CNBD1: variants seen among roughly 807,000 people sequenced by gnomAD.
The protein encoded by CNBD1 is cyclic nucleotide binding domain containing 1.
CNBD1 carries 71 observed loss-of-function variants against 54.4 expected under a neutral mutation model. That is an observed-to-expected ratio of 1.30 (90% confidence interval 1.08 to 1.59). The LOEUF is 1.59. Ranked by LOEUF, CNBD1 falls within the 40% of genes most tolerant of loss-of-function variation. CNBD1 has a pLI of 0.00. For missense variants in CNBD1, 659 were observed against 518.0 expected, an observed-to-expected ratio of 1.27 and a Z score of -2.64; for synonymous variants, 182 against 170.7, an observed-to-expected ratio of 1.07 and a Z score of -0.51.
intron 6 of CNBD1, among the ~76,000 whole-genome samples, chr8:87,254,737 C>A (rs1051609184): frequency 9.2e-5 from 14 of 152,162 alleles, no homozygotes; most frequent in Non-Finnish European, 4.4e-5. Flanking sequence ...CAATAGCACC[C>A]AGATCCCTCC....
At chr8:86,871,664 A>G (rs1187357940) in intron 1 of CNBD1, among the ~76,000 whole-genome samples, 1 of 152,218 alleles carries the variant, frequency 6.6e-6, no homozygotes, top group Non-Finnish European at 1.5e-5. Flanking sequence ...GATTAGAGGT[A>G]CAGGAAGATT....
At chr8:87,240,906 A>G (rs1334041787) in intron 6 of CNBD1, among the ~76,000 whole-genome samples, 7 of 151,970 alleles carry the variant, frequency 4.6e-5, no homozygotes, top group African/African-American at 1.7e-4. Context: ...GTCAAAATTC[A>G]TCTCTCCAGG....
rs397892505 is a variant in CNBD1, at chr8:87,094,444, CTT to C, written c.432-111538_432-111537del. On this transcript the variant is annotated intron_variant, in intron 4 of 10. Transcript: ENST00000518476. ...TTTCCTTGATTTTTTTTCTTTAATG[CTT>C]TTTTTTTTTTCCCTGTCCAGGTTCA... Among the ~76,000 whole-genome samples the C allele has an allele frequency of 1.0e-3, 145 of 139,454 alleles. 2 individuals carry two copies. The highest frequency in any genetic ancestry group is 3.7e-3 in the African/African-American group (142 of 38,474). 91.5% of individuals were successfully genotyped at this position (139,454 alleles called of 152,430 possible). A position where few individuals can be genotyped will look rare whatever the true frequency, so the allele number is the denominator to read the frequency against.
intron 5 of CNBD1, among the ~76,000 whole-genome samples, chr8:87,225,473 C>A (rs1814461102): frequency 1.3e-5 from 2 of 150,522 alleles, no homozygotes. Flanking sequence ...TTGTCAAAGG[C>A]CTTTTCTGCA....
intron 4 of CNBD1, among the ~76,000 whole-genome samples, chr8:87,106,308 G>T (rs1326882445): frequency 6.6e-6 from 1 of 151,842 alleles, no homozygotes; most frequent in Non-Finnish European, 1.5e-5. Flanking sequence ...CTCCCTCCTG[G>T]GTTCAAGCAA....
intron 2 of CNBD1, among the ~76,000 whole-genome samples, chr8:86,900,539 A>G (rs1469851733): frequency 1.3e-5 from 2 of 152,204 alleles, no homozygotes; most frequent in South Asian, 2.1e-4. Context: ...TAAATGCTGT[A>G]CATTCTGTAC....
intron 3 of CNBD1, among the ~76,000 whole-genome samples, chr8:86,908,124 C>A (rs1809045599): frequency 6.6e-6 from 1 of 152,134 alleles, no homozygotes; most frequent in Non-Finnish European, 1.5e-5. Flanking sequence ...AGGAGAAATG[C>A]TACATAGAAA....
chr8:87,158,889 C>T (rs1321489491), intron 4 of CNBD1, among the ~76,000 whole-genome samples: 2 of 152,154 alleles, frequency 1.3e-5, no homozygotes, highest in African/African-American at 4.8e-5. Context: ...ATGCAAGCGA[C>T]ATCATGCAGA....
At chr8:87,229,129 A>C (rs553063382) in intron 5 of CNBD1, among the ~76,000 whole-genome samples, 6 of 152,206 alleles carry the variant, frequency 3.9e-5, no homozygotes, top group African/African-American at 1.4e-4. Context: ...GCGCGCACCC[A>C]CTGACCTGCG....
At chr8:87,214,432 A>G (rs1345940083) in intron 5 of CNBD1, among the ~76,000 whole-genome samples, 1 of 152,082 alleles carries the variant, frequency 6.6e-6, no homozygotes, top group Non-Finnish European at 1.5e-5. Flanking sequence ...TTTATTGTCC[A>G]TATCACTCTC....
At chr8:86,965,060 C>G (rs1023969328) in intron 4 of CNBD1, among the ~76,000 whole-genome samples, 2 of 152,164 alleles carry the variant, frequency 1.3e-5, no homozygotes, top group African/African-American at 2.4e-5. Flanking sequence ...AGTTTACATA[C>G]AGATACCAAG....
chr8:87,302,663 G>A (rs1288931284), intron 8 of CNBD1, among the ~76,000 whole-genome samples: 1 of 151,748 alleles, frequency 6.6e-6, no homozygotes, highest in African/African-American at 2.4e-5. Flanking sequence ...AGGAAATAAA[G>A]GGTATTCAAT....
At chr8:86,957,563 T>C (rs186998954) in intron 4 of CNBD1, among the ~76,000 whole-genome samples, 3,484 of 152,188 alleles carry the variant, frequency 0.023, 68 homozygotes, top group South Asian at 0.042. Flanking sequence ...CTTGGGAGGG[T>C]GTATGTGTCC....
chr8:87,231,685 G>T (rs1035491930), intron 5 of CNBD1, among the ~76,000 whole-genome samples: 3 of 151,922 alleles, frequency 2.0e-5, no homozygotes, highest in Non-Finnish European at 4.4e-5. Flanking sequence ...CCATTTAATT[G>T]ACATATCATA....
intron 2 of CNBD1, among the ~76,000 whole-genome samples, chr8:87,415,260 A>G (rs1807816521): frequency 6.6e-6 from 1 of 152,058 alleles, no homozygotes; most frequent in Non-Finnish European, 1.5e-5. Context: ...ACTCATACTC[A>G]GACTGTCTAA....
At chr8:86,981,427 C>T (rs961273277) in intron 4 of CNBD1, among the ~76,000 whole-genome samples, 1 of 152,082 alleles carries the variant, frequency 6.6e-6, no homozygotes, top group Admixed American at 6.6e-5. Context: ...TCTTATTACC[C>T]AGATTCTGGT....
intron 8 of CNBD1, among the ~76,000 whole-genome samples, chr8:87,301,589 C>T (rs2130882608): frequency 6.6e-6 from 1 of 152,114 alleles, no homozygotes; most frequent in Non-Finnish European, 1.5e-5. Context: ...GAACGCAAGT[C>T]AATAAATGTG....
At position 86,887,576 on chromosome 8, in the gene CNBD1, G is replaced by T; in HGVS notation, c.123G>T (p.Gln41His). ...LKKSKHINYG[Q>H]LNALCHIRGQ... Reference sequence around the variant, plus strand: ...AGTCTAAGCACATTAATTATGGCCAGTTGAATGCATTATGCCACATTAGAG... The same window carrying T: ...AGTCTAAGCACATTAATTATGGCCATTTGAATGCATTATGCCACATTAGAG... The change falls in exon 2 of 11, where the codon CAG (glutamine) becomes CAT (histidine). Residue 41 changes from glutamine to histidine, a missense_variant. Transcript: ENST00000518476. 2 of 1,581,068 alleles carry T rather than the reference G, an allele frequency of 1.3e-6. No homozygotes were observed. Among genetic ancestry groups the T allele is most frequent in the South Asian group, 1.2e-5 (1 of 85,968 alleles).
intron 5 of CNBD1, among the ~76,000 whole-genome samples, chr8:87,225,649 T>A (rs968992088): frequency 2.0e-5 from 3 of 152,218 alleles, no homozygotes; most frequent in African/African-American, 4.8e-5. Flanking sequence ...TGCCAGTATG[T>A]TATTGAGGAT....
Sources: allele counts gnomAD v4.1 joint callset (sites outside exome capture counted in the v4.1 genomes callset), GRCh38; gene constraint gnomAD v4.1.1; transcripts MANE v1.5; gene names NCBI Gene and HGNC (gene_info 2026-07-23, HGNC 2026-07-21).